The following SP100 variants were observed in gnomAD, a reference collection of about 807,000 sequenced individuals.
SP100 encodes the protein nuclear autoantigen Sp-100.
A neutral mutation model predicts 130.0 loss-of-function variants in SP100; 84 were observed. The observed-to-expected ratio is 0.65, with a 90% confidence interval of 0.54 to 0.77. SP100 has a LOEUF of 0.77. SP100 is among the 30% of genes least tolerant of loss of function. The pLI, the probability that SP100 is intolerant of heterozygous loss-of-function variation, is 0.00. For synonymous variants in SP100, 331 were observed against 351.7 expected (o/e 0.94, Z 0.66); for missense variants, 978 against 1,052.2 (o/e 0.93, Z 0.97).
At chr2:230,522,476 C>CTTTTTTTTTTTTTT (rs750389091) in intron 24 of SP100, among the ~76,000 whole-genome samples, 5 of 82,128 alleles carry the variant, frequency 6.1e-5, no homozygotes, top group Non-Finnish European at 1.1e-4. Context: ...CCCCAGTGTT[C>CTTTTTTTTTTTTTT]TTTTTTTTTT....
chr2:230,435,582 G>A (rs1299618329), intron 2 of SP100, among the ~76,000 whole-genome samples: 1 of 151,938 alleles, frequency 6.6e-6, no homozygotes, highest in Non-Finnish European at 1.5e-5. Flanking sequence ...TTTAAGTTCG[G>A]GGGTACATGT....
chr2:230,522,688 C>T (rs1172623848), intron 24 of SP100, among the ~76,000 whole-genome samples: 1 of 151,710 alleles, frequency 6.6e-6, no homozygotes, highest in Non-Finnish European at 1.5e-5. Context: ...CAGGGTTTTG[C>T]AGTGTTGACC....
chr2:230,493,973 T>C (rs1308916450), intron 17 of SP100: 2 of 172,526 alleles, frequency 1.2e-5, no homozygotes, highest in East Asian at 1.9e-4. Flanking sequence ...ATCAGGCTGG[T>C]CTCAAACTCC....
intron 8 of SP100, among the ~76,000 whole-genome samples, chr2:230,458,634 A>T (rs1428818436): frequency 1.3e-5 from 2 of 152,242 alleles, no homozygotes; most frequent in Non-Finnish European, 2.9e-5. Context: ...GAAATTATGC[A>T]TGATGCTGCT....
intron 17 of SP100, among the ~76,000 whole-genome samples, chr2:230,478,772 A>G (rs965157273): frequency 3.9e-5 from 6 of 152,162 alleles, no homozygotes; most frequent in Non-Finnish European, 7.4e-5. Context: ...GGAAAAATAG[A>G]GGTGCCTGAA....
chr2:230,530,505 A>G (rs531174299), intron 24 of SP100, among the ~76,000 whole-genome samples: 4 of 152,254 alleles, frequency 2.6e-5, no homozygotes, highest in Admixed American at 1.3e-4. Flanking sequence ...AATACCATTC[A>G]GGATATAGGC....
At chr2:230,445,696 GT>G (rs2063680197) in intron 4 of SP100, among the ~76,000 whole-genome samples, 1 of 152,202 alleles carries the variant, frequency 6.6e-6, no homozygotes, top group African/African-American at 2.4e-5. Context: ...TCAATGTTAT[GT>G]TTGTAAGCAG....
chr2:230,470,265 A>T, intron 15 of SP100, 167 bp downstream of exon 15: 1 of 1,342,172 alleles, frequency 7.5e-7, no homozygotes, highest in South Asian at 2.0e-5. Context: ...GCAGGAAATT[A>T]TGATAAACTC....
At chr2:230,541,133 C>T (rs970438484) in intron 26 of SP100, 137 bp downstream of exon 26, 51 of 1,249,002 alleles carry the variant, frequency 4.1e-5, no homozygotes, top group South Asian at 1.5e-4. Flanking sequence ...CATGACCTAA[C>T]GCTACAATTC....
At chr2:230,474,023 A>C (rs2065410658) in intron 16 of SP100, among the ~76,000 whole-genome samples, 1 of 152,224 alleles carries the variant, frequency 6.6e-6, no homozygotes, top group Admixed American at 6.5e-5. Context: ...TTATGCTAAA[A>C]ATACATTGTT....
At chr2:230,416,660 C>A in intron 1 of SP100, 1 of 823,240 alleles carries the variant, frequency 1.2e-6, no homozygotes. Flanking sequence ...CCCTTTCACC[C>A]CTCAGCCTTC....
chr2:230,498,459 A>T lies in SP100; in HGVS notation c.1646-2A>T. ...CATATTTATATTTTCCTATTTTCTC[A>T]GGGAGAAAGAAAGACAGACCTAGAA... is the stretch of plus-strand genomic sequence containing the variant. On this transcript the variant is annotated splice_acceptor_variant, in intron 18 of 28. Transcript: ENST00000340126. LOFTEE classifies it high-confidence loss of function. The T allele has an allele frequency of 4.0e-6, 6 of 1,489,988 alleles. No individual in the cohort carries two copies. The highest frequency in any genetic ancestry group is 2.6e-5 in the East Asian group (1 of 39,048). 92.3% of individuals were successfully genotyped at this position (1,489,988 alleles called of 1,614,324 possible). A position where few individuals can be genotyped will look rare whatever the true frequency, so the allele number is the denominator to read the frequency against.
At chr2:230,438,628 T>C in intron 2 of SP100, among the ~76,000 whole-genome samples, 1 of 140,742 alleles carries the variant, frequency 7.1e-6, no homozygotes, top group East Asian at 2.0e-4. Context: ...GGCTGAGTAG[T>C]ACTCCATGGT....
chr2:230,527,322 A>G (rs968132465), intron 24 of SP100, among the ~76,000 whole-genome samples: 2 of 152,206 alleles, frequency 1.3e-5, no homozygotes, highest in Non-Finnish European at 2.9e-5. Flanking sequence ...ATCCAGCCAA[A>G]CTAAACTTCA....
At chr2:230,504,121 G>T in intron 20 of SP100, 65 bp from the exon 21 acceptor site, 1 of 819,438 alleles carries the variant, frequency 1.2e-6, no homozygotes, top group South Asian at 1.5e-5. Flanking sequence ...TCTCAAGACA[G>T]GTGGGGAGGG....
intron 15 of SP100, 75 bp from the exon 16 acceptor site, chr2:230,473,249 C>T: frequency 1.0e-6 from 1 of 970,008 alleles, no homozygotes; most frequent in Non-Finnish European, 1.6e-6. Flanking sequence ...AGTGGGCAGT[C>T]ACTAATGTTG....
chr2:230,435,061 T>C (rs1334788469), intron 2 of SP100, among the ~76,000 whole-genome samples: 1 of 152,210 alleles, frequency 6.6e-6, no homozygotes, highest in African/African-American at 2.4e-5. Context: ...CTGTAGTATA[T>C]CTTAAAATTT....
At chr2:230,515,350 C>T (rs181302752) in intron 24 of SP100, 76 of 1,613,794 alleles carry the variant, frequency 4.7e-5, no homozygotes, top group Admixed American at 1.2e-4. Context: ...CTCTGAGTAT[C>T]GCCCAAAAAT....
In SP100 at chr2:230,474,375, A is replaced by G. The variant is rs761561087; in HGVS notation, c.1547-19A>G. Reference sequence around the variant, plus strand: ...ACTTATAAATTACAGTTCTCTGACCACTACCTGTCACTTTCTAGATACCAT... The same window carrying G: ...ACTTATAAATTACAGTTCTCTGACCGCTACCTGTCACTTTCTAGATACCAT... On this transcript the variant is annotated intron_variant, in intron 16 of 28. Transcript: ENST00000340126. 1 of 1,426,034 alleles carries G rather than the reference A, an allele frequency of 7.0e-7. No individual in the cohort carries two copies. Among genetic ancestry groups the G allele is most frequent in the South Asian group, 1.2e-5 (1 of 82,690 alleles). 88.3% of individuals were successfully genotyped at this position (1,426,034 alleles called of 1,614,324 possible). A position where few individuals can be genotyped will look rare whatever the true frequency, so the allele number is the denominator to read the frequency against.
Sources: gnomAD v4.1 joint callset for allele counts (sites outside exome capture counted in the v4.1 genomes callset) on GRCh38, gnomAD v4.1.1 for gene constraint, MANE v1.5 for transcripts, NCBI Gene and HGNC (gene_info 2026-07-23, HGNC 2026-07-21) for gene names.